Variants in RSPH9 observed in about 807,000 individuals in gnomAD.
The protein encoded by RSPH9 is radial spoke head protein 9 homolog.
RSPH9 carries 27 observed loss-of-function variants against 27.0 expected under a neutral mutation model. That is an observed-to-expected ratio of 1.00 (90% confidence interval 0.74 to 1.38). RSPH9 has a LOEUF of 1.38. RSPH9 is among the 40% of genes most tolerant of loss of function. The pLI, the probability that RSPH9 is intolerant of heterozygous loss-of-function variation, is 0.00. For synonymous variants in RSPH9, 145 were observed against 147.7 expected, an observed-to-expected ratio of 0.98 and a Z score of 0.13; for missense variants, 347 against 357.4, an observed-to-expected ratio of 0.97 and a Z score of 0.24.
intron 4 of RSPH9, among the ~76,000 whole-genome samples, chr6:43,665,424 A>G (rs1337794325): frequency 6.6e-6 from 1 of 152,154 alleles, no homozygotes; most frequent in African/African-American, 2.4e-5. Flanking sequence ...GAATCGCTTG[A>G]GCTTAGGAGT....
At chr6:43,655,933 C>T (rs961043880) in intron 3 of RSPH9, among the ~76,000 whole-genome samples, 2 of 152,068 alleles carry the variant, frequency 1.3e-5, no homozygotes, top group African/African-American at 4.8e-5. Flanking sequence ...CCCTTGGTCC[C>T]AGGGCTTTAC....
At chr6:43,653,189 C>T (rs948599969) in intron 2 of RSPH9, among the ~76,000 whole-genome samples, 109 of 152,214 alleles carry the variant, frequency 7.2e-4, no homozygotes, top group Admixed American at 3.2e-3. Flanking sequence ...TGGTGGCTCA[C>T]GCCTGTAATC....
rs548178595 is a variant in RSPH9, at chr6:43,670,785, T to C, written c.671-4T>C. 7 of 1,613,870 alleles carry C rather than the reference T, an allele frequency of 4.3e-6. No individual in the cohort carries two copies. In the South Asian group the frequency reaches 7.7e-5, roughly 18 times the overall value. Reference sequence around the variant, plus strand: ...GGCCTCACCTCCTGCCTGTCTTATCTCAGGGTCCTGGAGCATCCAGATGGA... The same window carrying C: ...GGCCTCACCTCCTGCCTGTCTTATCCCAGGGTCCTGGAGCATCCAGATGGA... On this transcript the variant is annotated splice_polypyrimidine_tract_variant and splice_region_variant and intron_variant, in intron 4 of 4. Transcript: ENST00000372163.
intron 2 of RSPH9, among the ~76,000 whole-genome samples, 163 bp downstream of exon 2, chr6:43,650,703 G>C (rs1165086505): frequency 6.6e-6 from 1 of 151,922 alleles, no homozygotes; most frequent in Non-Finnish European, 1.5e-5. Flanking sequence ...TCAGGAGATT[G>C]AGACCATCCT....
chr6:43,662,242 T>C (rs1462330668), intron 4 of RSPH9, among the ~76,000 whole-genome samples: 3 of 152,202 alleles, frequency 2.0e-5, no homozygotes, highest in Non-Finnish European at 4.4e-5. Flanking sequence ...TCAGCCTTCA[T>C]AGAATTGAAG....
chr6:43,646,432 A>C (rs1320714694), intron 1 of RSPH9, among the ~76,000 whole-genome samples: 1 of 150,448 alleles, frequency 6.6e-6, no homozygotes, highest in Non-Finnish European at 1.5e-5. Flanking sequence ...GCAATTATTT[A>C]TTTATTTATT....
At position 43,659,212 on chromosome 6, in the gene RSPH9, C is replaced by T. The variant is rs1397380330; in HGVS notation, c.670+2489C>T. On this transcript the variant is annotated intron_variant, in intron 4 of 4. Coordinates refer to ENST00000372163, the MANE Select transcript of RSPH9 (RefSeq NM_152732.5). Reference sequence around the variant, plus strand: ...TCTTCCACCACATCCGCAGTTACTTCCTCCACTGAAGTCTTTTTTTTTTTT... The same window carrying T: ...TCTTCCACCACATCCGCAGTTACTTTCTCCACTGAAGTCTTTTTTTTTTTT... Among the ~76,000 whole-genome samples, 3 of 150,270 alleles carry T rather than the reference C, an allele frequency of 2.0e-5. No homozygotes were observed. In the East Asian group the frequency reaches 5.8e-4, roughly 29 times the overall value.
intron 4 of RSPH9, among the ~76,000 whole-genome samples, 172 bp from the exon 5 acceptor site, chr6:43,670,614 GAAT>G (rs1405694038): frequency 6.6e-6 from 1 of 152,182 alleles, no homozygotes; most frequent in African/African-American, 2.4e-5. Context: ...AAAACGAAAA[GAAT>G]AATGGCTAAA....
At chr6:43,650,340 T>C (rs771089026) in intron 1 of RSPH9, 35 bp from the exon 2 acceptor site, 17 of 1,610,876 alleles carry the variant, frequency 1.1e-5, no homozygotes, top group Non-Finnish European at 1.4e-5. Context: ...GAGAAGGGAG[T>C]TGGAATCCAG....
chr6:43,650,515 A>T lies in RSPH9; in HGVS notation c.368A>T (p.Glu123Val). The T allele has an allele frequency of 6.2e-7, 1 of 1,614,168 alleles. No individual in the cohort carries two copies. Among genetic ancestry groups the T allele is most frequent in the Non-Finnish European group, 8.5e-7 (1 of 1,180,026 alleles). ...GAGCTGCAGAAGGTGAATGAAGGTG[A>T]AAAAGTCTTTGAAGAAGAAATAGTG... ...HTELQKVNEG[E>V]KVFEEEIVVQ... The change falls in exon 2 of 5, where the codon GAA becomes GTA. Residue 123 changes from glutamate (E) to valine (V), a missense_variant. Transcript: ENST00000372163.
intron 3 of RSPH9, 39 bp downstream of exon 3, chr6:43,655,730 C>A (rs1333931852): frequency 1.2e-6 from 2 of 1,612,720 alleles, no homozygotes; most frequent in South Asian, 2.2e-5. Flanking sequence ...CTGGGGGTAT[C>A]TTTTCCCAAG....
Position 43,650,512 on chromosome 6 carries a change from G to A in RSPH9, c.365G>A (p.Gly122Asp), listed in dbSNP as rs1195999841. The change falls in exon 2 of 5, where the codon GGT (glycine) becomes GAT (aspartate). Residue 122 changes from glycine (G) to aspartate (D), a missense_variant. Physicochemically the swap from Gly to Asp is moderately conservative, Grantham distance 94. Transcript: ENST00000372163. Reference protein sequence around the residue: ...EHTELQKVNEGEKVFEEEIVV... With the variant: ...EHTELQKVNEDEKVFEEEIVV... ...ACTGAGCTGCAGAAGGTGAATGAAGGTGAAAAAGTCTTTGAAGAAGAAATA... is the reference window on the plus strand; with the variant it reads ...ACTGAGCTGCAGAAGGTGAATGAAGATGAAAAAGTCTTTGAAGAAGAAATA... 8 of 1,614,040 alleles carry A rather than the reference G, an allele frequency of 5.0e-6. No homozygotes were observed. The highest frequency in any genetic ancestry group is 3.3e-4 in the Middle Eastern group (2 of 6,078).
intron 4 of RSPH9, among the ~76,000 whole-genome samples, chr6:43,663,548 A>C (rs1027356037): frequency 1.3e-5 from 2 of 152,092 alleles, no homozygotes; most frequent in Admixed American, 1.3e-4. Flanking sequence ...GCCTAATTTC[A>C]TGATTGTTGT....
At chr6:43,669,604 T>C (rs945207904) in intron 4 of RSPH9, among the ~76,000 whole-genome samples, 7 of 152,232 alleles carry the variant, frequency 4.6e-5, no homozygotes, top group Admixed American at 1.3e-4. Context: ...AGCGCATGGC[T>C]GGCTGGTCCA....
chr6:43,664,613 G>T (rs1582395749), intron 4 of RSPH9, among the ~76,000 whole-genome samples: 1 of 152,340 alleles, frequency 6.6e-6, no homozygotes, highest in South Asian at 2.1e-4. Context: ...GCCAGGCAAT[G>T]GTTCTGAGTG....
At chr6:43,652,640 G>T (rs1268130736) in intron 2 of RSPH9, among the ~76,000 whole-genome samples, 1 of 151,472 alleles carries the variant, frequency 6.6e-6, no homozygotes, top group African/African-American at 2.4e-5. Context: ...TGGCCAGGCT[G>T]GTCTCCAACT....
chr6:43,670,774 C>T lies in RSPH9; in HGVS notation c.671-15C>T. Reference sequence around the variant, plus strand: ...CAGCAGCACCAGGCCTCACCTCCTGCCTGTCTTATCTCAGGGTCCTGGAGC... The same window carrying T: ...CAGCAGCACCAGGCCTCACCTCCTGTCTGTCTTATCTCAGGGTCCTGGAGC... On this transcript the variant is annotated splice_polypyrimidine_tract_variant and intron_variant, in intron 4 of 4. Coordinates refer to ENST00000372163, the MANE Select transcript of RSPH9 (RefSeq NM_152732.5). 6.2e-7 allele frequency: 1 copy of T among 1,613,276 alleles called. No homozygotes were observed. Among genetic ancestry groups the T allele is most frequent in the Non-Finnish European group, 8.5e-7 (1 of 1,179,358 alleles).
intron 1 of RSPH9, among the ~76,000 whole-genome samples, chr6:43,649,162 A>G (rs2127887886): frequency 6.6e-6 from 1 of 151,998 alleles, no homozygotes; most frequent in East Asian, 1.9e-4. Flanking sequence ...TAGTAGGCTG[A>G]GCAGTTTTTT....
chr6:43,669,086 G>T (rs1773437114), intron 4 of RSPH9, among the ~76,000 whole-genome samples: 3 of 152,204 alleles, frequency 2.0e-5, no homozygotes, highest in African/African-American at 4.8e-5. Context: ...AGCACCCAGA[G>T]AAAAGTTTTA....
Sources: gnomAD v4.1 joint callset for allele counts (sites outside exome capture counted in the v4.1 genomes callset) on GRCh38, gnomAD v4.1.1 for gene constraint, MANE v1.5 for transcripts, NCBI Gene and HGNC (gene_info 2026-07-23, HGNC 2026-07-21) for gene names.